Variants in CAPZA3 observed in about 807,000 individuals in gnomAD.
CAPZA3 encodes the protein F-actin-capping protein subunit alpha-3.
A neutral mutation model predicts 23.6 loss-of-function variants in CAPZA3; 22 were observed. The ratio of observed to expected loss-of-function variants is 0.93; its 90% CI spans 0.67 to 1.33. CAPZA3 has a LOEUF of 1.33. Among genes scored for constraint, CAPZA3 ranks in the 40% most tolerant of loss-of-function variants. The probability of loss-of-function intolerance (pLI) is 0.00; values close to 1 mark genes in which losing one functional copy is unlikely to be tolerated. For missense variants in CAPZA3, 357 were observed against 345.9 expected (o/e 1.03, Z -0.25); for synonymous variants, 142 against 126.5 (o/e 1.12, Z -0.82).
chr12:18,738,626 G>T lies in CAPZA3; in HGVS notation c.358G>T (p.Val120Phe). 6.2e-7 allele frequency: 1 copy of T among 1,614,088 alleles called. No homozygotes were observed. The highest frequency in any genetic ancestry group is 8.5e-7 in the Non-Finnish European group (1 of 1,179,984). ...GAATGAGGCAGAATACCTGAGAGTT[G>T]TTCTTCTGTGCGCCTTAAAACTGTA... ...IQNEAEYLRV[V>F]LLCALKLYVN... Residue 120 changes from valine (V) to phenylalanine (F), a missense_variant, in exon 1 of 1, where the codon GTT (valine) becomes TTT (phenylalanine). Coordinates refer to ENST00000317658, the MANE Select transcript of CAPZA3 (RefSeq NM_033328.3).
rs1959634702 is a variant in CAPZA3 at position 18,738,119 on chromosome 12, A to G, written c.-150A>G. 2 of 689,136 alleles carry G rather than the reference A, an allele frequency of 2.9e-6. No homozygotes were observed. Among genetic ancestry groups the G allele is most frequent in the Admixed American group, 5.5e-5 (2 of 36,152 alleles). 42.7% of individuals were successfully genotyped at this position (689,136 alleles called of 1,614,324 possible). A position where few individuals can be genotyped will look rare whatever the true frequency, so the allele number is the denominator to read the frequency against. On this transcript the variant is annotated 5_prime_UTR_variant, in exon 1 of 1. Transcript: ENST00000317658. ...TTCTTATGACCTCATCAGGAGGCTC[A>G]GACCTTGCCAGACTGCCTGCTTTCA...
chr12:18,738,306 G>T lies in CAPZA3; in HGVS notation c.38G>T (p.Arg13Ile). The T allele has an allele frequency of 6.2e-7, 1 of 1,613,514 alleles. No homozygotes were observed. Among genetic ancestry groups the T allele is most frequent in the Non-Finnish European group, 8.5e-7 (1 of 1,179,698 alleles). ...LSVLSRKDKE[R>I]VIRRLLLQAP... ...GTGCTGAGCAGGAAGGACAAGGAAA[G>T]AGTAATTCGCAGACTGTTATTACAG... Residue 13 changes from arginine to isoleucine, a missense_variant, in exon 1 of 1, where the codon AGA (arginine) becomes ATA (isoleucine). Arg to Ile is a moderately conservative substitution (Grantham distance 97). Coordinates refer to ENST00000317658, the MANE Select transcript of CAPZA3 (RefSeq NM_033328.3).
At position 18,739,082 on chromosome 12, in the gene CAPZA3, A is replaced by T; in HGVS notation, c.814A>T (p.Ile272Leu). The T allele has an allele frequency of 6.2e-7, 1 of 1,612,838 alleles. No individual in the cohort carries two copies. Among genetic ancestry groups the T allele is most frequent in the Non-Finnish European group, 8.5e-7 (1 of 1,179,828 alleles). Reference protein sequence around the residue: ...VTRTLIDWHRILSDLNLVMYP... With the variant: ...VTRTLIDWHRLLSDLNLVMYP... Reference sequence around the variant, plus strand: ...CCGCACTCTTATTGACTGGCACAGGATACTCTCTGACTTGAATCTGGTGAT... The same window carrying T: ...CCGCACTCTTATTGACTGGCACAGGTTACTCTCTGACTTGAATCTGGTGAT... The change falls in exon 1 of 1, where the codon ATA becomes TTA. Residue 272 changes from isoleucine (I) to leucine (L), a missense_variant. Transcript: ENST00000317658.
rs941964125 is a variant in CAPZA3 at position 18,738,801 on chromosome 12, T to C, written c.533T>C (p.Val178Ala). Residue 178 changes from valine to alanine, a missense_variant, in exon 1 of 1, where the codon GTT becomes GCT. Val to Ala is a moderately conservative substitution (Grantham distance 64). Transcript: ENST00000317658. ...TGGAAATCTAAATGGATTTTCCAAGTTAACCCATTTCTAACCCAAGTAACG... is the reference window on the plus strand; with the variant it reads ...TGGAAATCTAAATGGATTTTCCAAGCTAACCCATTTCTAACCCAAGTAACG... ...GLWKSKWIFQVNPFLTQVTGR... is the reference protein window; with the variant it reads ...GLWKSKWIFQANPFLTQVTGR... 1.9e-6 allele frequency: 3 copies of C among 1,613,932 alleles called. No homozygotes were observed. Among genetic ancestry groups the C allele is most frequent in the Non-Finnish European group, 2.5e-6 (3 of 1,179,996 alleles).
rs966853531 is a variant in CAPZA3, at chr12:18,738,315, G to A, written c.47G>A (p.Arg16His). 19 of 1,613,642 alleles carry A rather than the reference G, an allele frequency of 1.2e-5. No individual in the cohort carries two copies. The highest frequency in any genetic ancestry group is 2.2e-5 in the East Asian group (1 of 44,894). Reference sequence around the variant, plus strand: ...AGGAAGGACAAGGAAAGAGTAATTCGCAGACTGTTATTACAGGCCCCTCCA... The same window carrying A: ...AGGAAGGACAAGGAAAGAGTAATTCACAGACTGTTATTACAGGCCCCTCCA... Reference protein sequence around the residue: ...LSRKDKERVIRRLLLQAPPGE... With the variant: ...LSRKDKERVIHRLLLQAPPGE... The change falls in exon 1 of 1, where the codon CGC becomes CAC. Residue 16 changes from arginine to histidine, a missense_variant. Transcript: ENST00000317658.
In CAPZA3 at chr12:18,738,349, T is replaced by C; in HGVS notation, c.81T>C (p.Phe27=). The C allele has an allele frequency of 6.2e-7, 1 of 1,614,076 alleles. No homozygotes were observed. The highest frequency in any genetic ancestry group is 8.5e-7 in the Non-Finnish European group (1 of 1,179,968). Residue 27 remains phenylalanine (F), a synonymous_variant, in exon 1 of 1, where the codon TTT becomes TTC. Coordinates refer to ENST00000317658, the MANE Select transcript of CAPZA3 (RefSeq NM_033328.3). ...TATTACAGGCCCCTCCAGGGGAATT[T>C]GTAAATGCCTTTGATGATCTCTGTC... The part of the protein sequence containing the change: ...RLLLQAPPGE[F]VNAFDDLCLL...
In CAPZA3 at chr12:18,738,590, G is replaced by A. The variant is rs1369335224; in HGVS notation, c.322G>A (p.Gly108Ser). 7 of 1,614,052 alleles carry A rather than the reference G, an allele frequency of 4.3e-6. No individual in the cohort carries two copies. The highest frequency in any genetic ancestry group is 1.7e-5 in the Admixed American group (1 of 59,980). ...QNQLKDIQSH[G>S]IIQNEAEYLR... ...TCAGCTGAAAGACATCCAAAGTCAT[G>A]GTATCATTCAGAATGAGGCAGAATA... Residue 108 changes from glycine (G) to serine (S), a missense_variant, in exon 1 of 1, where the codon GGT becomes AGT. Transcript: ENST00000317658.
In CAPZA3 at chr12:18,738,685, C is replaced by G; in HGVS notation, c.417C>G (p.Asn139Lys). The G allele has an allele frequency of 1.2e-6, 2 of 1,614,032 alleles. No individual in the cohort carries two copies. The highest frequency in any genetic ancestry group is 1.7e-6 in the Non-Finnish European group (2 of 1,179,978). The change falls in exon 1 of 1, where the codon AAC becomes AAG. Residue 139 changes from asparagine to lysine, a missense_variant. Coordinates refer to ENST00000317658, the MANE Select transcript of CAPZA3 (RefSeq NM_033328.3). ...VNDHYPKGNC[N>K]MLRKTVKSKE... ...ACCACTATCCAAAAGGAAATTGCAA[C>G]ATGCTGAGAAAAACTGTCAAAAGTA...
rs1046422350 is a variant in CAPZA3 at position 18,738,484 on chromosome 12, G to T, written c.216G>T (p.Leu72Phe). 1.2e-6 allele frequency: 2 copies of T among 1,613,920 alleles called. No homozygotes were observed. Among genetic ancestry groups the T allele is most frequent in the Non-Finnish European group, 1.7e-6 (2 of 1,179,998 alleles). ...PLCIDGNPVLLSHHNVMGDYR... is the reference protein window; with the variant it reads ...PLCIDGNPVLFSHHNVMGDYR... ...GCATCGATGGAAATCCAGTACTCTT[G>T]TCTCACCACAATGTAATGGGCGACT... is the stretch of plus-strand genomic sequence containing the variant. The change falls in exon 1 of 1, where the codon TTG becomes TTT. Residue 72 changes from leucine (L) to phenylalanine (F), a missense_variant. By Grantham distance (22) the Leu-to-Phe change is conservative. Transcript: ENST00000317658.
At position 18,738,332 on chromosome 12, in the gene CAPZA3, G is replaced by A. The variant is rs1402223031; in HGVS notation, c.64G>A (p.Ala22Thr). ...AGTAATTCGCAGACTGTTATTACAG[G>A]CCCCTCCAGGGGAATTTGTAAATGC... ...ERVIRRLLLQ[A>T]PPGEFVNAFD... The change falls in exon 1 of 1, where the codon GCC becomes ACC. Residue 22 changes from alanine to threonine, a missense_variant. By Grantham distance (58) the Ala-to-Thr change is moderately conservative. Transcript: ENST00000317658. 2 of 1,613,872 alleles carry A rather than the reference G, an allele frequency of 1.2e-6. No homozygotes were observed. Among genetic ancestry groups the A allele is most frequent in the African/African-American group, 1.3e-5 (1 of 74,934 alleles).
Position 18,739,091 on chromosome 12 carries a change from G to A in CAPZA3, c.823G>A (p.Asp275Asn), listed in dbSNP as rs1959725946. The A allele has an allele frequency of 6.2e-7, 1 of 1,612,730 alleles. No individual in the cohort carries two copies. The change falls in exon 1 of 1, where the codon GAC becomes AAC. Residue 275 changes from aspartate to asparagine, a missense_variant. By Grantham distance (23) the Asp-to-Asn change is conservative. Coordinates refer to ENST00000317658, the MANE Select transcript of CAPZA3 (RefSeq NM_033328.3). ...TATTGACTGGCACAGGATACTCTCT[G>A]ACTTGAATCTGGTGATGTATCCTAA... ...TLIDWHRILS[D>N]LNLVMYPKLG...
Position 18,738,976 on chromosome 12 carries a change from T to A in CAPZA3, c.708T>A (p.Phe236Leu). Residue 236 changes from phenylalanine (F) to leucine (L), a missense_variant, in exon 1 of 1, where the codon TTT (phenylalanine) becomes TTA (leucine). Physicochemically the swap from Phe to Leu is conservative, Grantham distance 22. Coordinates refer to ENST00000317658, the MANE Select transcript of CAPZA3 (RefSeq NM_033328.3). ...ARLVEEQENK[F>L]QAAVLEELQE... Reference sequence around the variant, plus strand: ...TTGTGGAAGAGCAAGAGAACAAATTTCAAGCTGCAGTCTTGGAAGAATTAC... The same window carrying A: ...TTGTGGAAGAGCAAGAGAACAAATTACAAGCTGCAGTCTTGGAAGAATTAC... 6.2e-7 allele frequency: 1 copy of A among 1,613,364 alleles called. No homozygotes were observed. The highest frequency in any genetic ancestry group is 2.2e-5 in the East Asian group (1 of 44,864).
In CAPZA3 at chr12:18,739,151, T is replaced by C. The variant is rs1477802085; in HGVS notation, c.883T>C (p.Cys295Arg). ...GYVIYSRSVL[C>R]NWII ...TGTCATTTATTCAAGAAGTGTGTTG[T>C]GCAACTGGATAATATAAAGAATTGC... The change falls in exon 1 of 1, where the codon TGC (cysteine) becomes CGC (arginine). Residue 295 changes from cysteine to arginine, a missense_variant. By Grantham distance (180) the Cys-to-Arg change is radical (BLOSUM62 -3). Transcript: ENST00000317658. 1 of 1,605,778 alleles carries C rather than the reference T, an allele frequency of 6.2e-7. No individual in the cohort carries two copies. The highest frequency in any genetic ancestry group is 2.2e-5 in the East Asian group (1 of 44,700).
chr12:18,739,011 C>T lies in CAPZA3; in HGVS notation c.743C>T (p.Ser248Phe), dbSNP rs1460772813. The change falls in exon 1 of 1, where the codon TCC becomes TTC. Residue 248 changes from serine to phenylalanine, a missense_variant. By Grantham distance (155) the Ser-to-Phe change is radical (BLOSUM62 -2). Transcript: ENST00000317658. Reference sequence around the variant, plus strand: ...GTCTTGGAAGAATTACAGGAGTTATCCAATGAAGCCCTGAGAAAAATTCTA... The same window carrying T: ...GTCTTGGAAGAATTACAGGAGTTATTCAATGAAGCCCTGAGAAAAATTCTA... ...AAVLEELQEL[S>F]NEALRKILRR... 1.2e-6 allele frequency: 2 copies of T among 1,612,176 alleles called. No homozygotes were observed. Among genetic ancestry groups the T allele is most frequent in the South Asian group, 2.2e-5 (2 of 91,080 alleles).
chr12:18,739,095 T>C lies in CAPZA3; in HGVS notation c.827T>C (p.Leu276Ser). The C allele has an allele frequency of 1.2e-6, 2 of 1,612,934 alleles. No individual in the cohort carries two copies. Among genetic ancestry groups the C allele is most frequent in the South Asian group, 2.2e-5 (2 of 91,068 alleles). ...LIDWHRILSD[L>S]NLVMYPKLGY... ...GACTGGCACAGGATACTCTCTGACTTGAATCTGGTGATGTATCCTAAATTA... is the reference window on the plus strand; with the variant it reads ...GACTGGCACAGGATACTCTCTGACTCGAATCTGGTGATGTATCCTAAATTA... Residue 276 changes from leucine to serine, a missense_variant, in exon 1 of 1, where the codon TTG (leucine) becomes TCG (serine). Coordinates refer to ENST00000317658, the MANE Select transcript of CAPZA3 (RefSeq NM_033328.3).
In CAPZA3 at chr12:18,738,991, G is replaced by A. The variant is rs1959711231; in HGVS notation, c.723G>A (p.Leu241=). 6.2e-7 allele frequency: 1 copy of A among 1,612,704 alleles called. No homozygotes were observed. Among genetic ancestry groups the A allele is most frequent in the Admixed American group, 1.7e-5 (1 of 59,946 alleles). ...EQENKFQAAV[L]EELQELSNEA... ...AGAACAAATTTCAAGCTGCAGTCTT[G>A]GAAGAATTACAGGAGTTATCCAATG... is the stretch of plus-strand genomic sequence containing the variant. Residue 241 remains leucine (L), a synonymous_variant, in exon 1 of 1, where the codon TTG becomes TTA. Coordinates refer to ENST00000317658, the MANE Select transcript of CAPZA3 (RefSeq NM_033328.3).
chr12:18,738,457 C>T lies in CAPZA3; in HGVS notation c.189C>T (p.Leu63=), dbSNP rs1293896603. 5 of 1,614,114 alleles carry T rather than the reference C, an allele frequency of 3.1e-6. No homozygotes were observed. The African/African-American group carries it at 5.3e-5, about 17-fold the overall frequency. Residue 63 remains leucine, a synonymous_variant, in exon 1 of 1, where the codon CTC becomes CTT. Coordinates refer to ENST00000317658, the MANE Select transcript of CAPZA3 (RefSeq NM_033328.3). ...HQHCQKYSVP[L]CIDGNPVLLS... is the part of the protein sequence containing the mutation. ...ACTGCCAAAAATATTCTGTACCACT[C>T]TGCATCGATGGAAATCCAGTACTCT...
At position 18,738,330 on chromosome 12, in the gene CAPZA3, A is replaced by C. The variant is rs144974611; in HGVS notation, c.62A>C (p.Gln21Pro). ...AGAGTAATTCGCAGACTGTTATTAC[A>C]GGCCCCTCCAGGGGAATTTGTAAAT... is the stretch of plus-strand genomic sequence containing the variant. Reference protein sequence around the residue: ...KERVIRRLLLQAPPGEFVNAF... With the variant: ...KERVIRRLLLPAPPGEFVNAF... Residue 21 changes from glutamine (Q) to proline (P), a missense_variant, in exon 1 of 1, where the codon CAG (glutamine) becomes CCG (proline). By Grantham distance (76) the Gln-to-Pro change is moderately conservative (BLOSUM62 -1). Coordinates refer to ENST00000317658, the MANE Select transcript of CAPZA3 (RefSeq NM_033328.3). 2.9e-5 allele frequency: 46 copies of C among 1,614,012 alleles called. No homozygotes were observed. The South Asian group carries it at 4.6e-4, about 16-fold the overall frequency.
rs753268001 is a variant in CAPZA3, at chr12:18,738,825, C to T, written c.557C>T (p.Thr186Met). Reference sequence around the variant, plus strand: ...GTTAACCCATTTCTAACCCAAGTAACGGGAAGAATATTTGTGCAAGCTCAC... The same window carrying T: ...GTTAACCCATTTCTAACCCAAGTAATGGGAAGAATATTTGTGCAAGCTCAC... ...FQVNPFLTQV[T>M]GRIFVQAHFF... Residue 186 changes from threonine (T) to methionine (M), a missense_variant, in exon 1 of 1, where the codon ACG becomes ATG. Physicochemically the swap from Thr to Met is moderately conservative, Grantham distance 81. Transcript: ENST00000317658. 4.2e-5 allele frequency: 68 copies of T among 1,613,808 alleles called. No homozygotes were observed. Among genetic ancestry groups the T allele is most frequent in the Non-Finnish European group, 5.5e-5 (65 of 1,179,926 alleles).
Sources: gnomAD v4.1 joint callset for allele counts on GRCh38, gnomAD v4.1.1 for gene constraint, MANE v1.5 for transcripts, NCBI Gene and HGNC (gene_info 2026-07-23, HGNC 2026-07-21) for gene names.